KCNG3: variants seen among roughly 807,000 people sequenced by gnomAD.
KCNG3 encodes potassium voltage-gated channel modifier subfamily G member 3.
In KCNG3, 15 loss-of-function variants were observed where a neutral mutation model predicts 29.0. That is an observed-to-expected ratio of 0.52 (90% CI 0.35 to 0.80). The LOEUF (loss-of-function observed/expected upper bound fraction) is 0.80. Among genes scored for constraint, KCNG3 ranks in the 30% least tolerant of loss-of-function variants. The probability of loss-of-function intolerance (pLI) is 0.01; values close to 1 mark genes in which losing one functional copy is unlikely to be tolerated. For missense variants in KCNG3, 512 were observed against 605.7 expected, an observed-to-expected ratio of 0.85 and a Z score of 1.62; for synonymous variants, 322 against 248.9, an observed-to-expected ratio of 1.29 and a Z score of -2.76.
chr2:42,492,391 G>A (rs1673904514), intron 1 of KCNG3, among the ~76,000 whole-genome samples: 1 of 152,212 alleles, frequency 6.6e-6, no homozygotes. Context: ...AATGTGTGGA[G>A]AGTGCACATT....
chr2:42,488,093 G>A (rs1329686312), intron 1 of KCNG3, among the ~76,000 whole-genome samples: 1 of 152,180 alleles, frequency 6.6e-6, no homozygotes, highest in Admixed American at 6.5e-5. Context: ...TACATCTAGG[G>A]AAAAGAACTG....
At chr2:42,408,098 T>C in the KCNG3 span, among the ~76,000 whole-genome samples, 1 of 152,332 alleles carries the variant, frequency 6.6e-6, no homozygotes, top group African/African-American at 2.4e-5. Flanking sequence ...TGGCCCCCTC[T>C]GGACTTTGGG....
chr2:42,456,787 A>T (rs930328062), intron 1 of KCNG3, among the ~76,000 whole-genome samples: 1 of 152,182 alleles, frequency 6.6e-6, no homozygotes, highest in Non-Finnish European at 1.5e-5. Context: ...TTCCAATCAC[A>T]TTTCTAACAG....
At chr2:42,475,955 A>G (rs1673413557) in intron 1 of KCNG3, among the ~76,000 whole-genome samples, 1 of 152,076 alleles carries the variant, frequency 6.6e-6, no homozygotes, top group African/African-American at 2.4e-5. Flanking sequence ...AATCCCAGCT[A>G]CTCGGGAGGC....
Position 42,443,894 on chromosome 2 carries a change from T to C in KCNG3, c.*40A>G, listed in dbSNP as rs1178124937. 7 of 1,542,210 alleles carry C rather than the reference T, an allele frequency of 4.5e-6. No homozygotes were observed. Among genetic ancestry groups the C allele is most frequent in the African/African-American group, 4.1e-5 (3 of 72,834 alleles). On this transcript the variant is annotated 3_prime_UTR_variant, in exon 2 of 2. Coordinates refer to ENST00000306078, the MANE Select transcript of KCNG3 (RefSeq NM_133329.6). ...ACATAAATATGAAGCAGCATCAAAG[T>C]CTTTCTATGAAGTGTATGCAAGAAT...
rs1371157008 is a variant in KCNG3 at position 42,492,897 on chromosome 2, T to G, written c.605A>C (p.Asp202Ala). 4 of 1,562,644 alleles carry G rather than the reference T, an allele frequency of 2.6e-6. No individual in the cohort carries two copies. Among genetic ancestry groups the G allele is most frequent in the East Asian group, 4.7e-5 (2 of 42,166 alleles). Residue 202 changes from aspartate to alanine, a missense_variant, in exon 1 of 2, where the codon GAC becomes GCC. By Grantham distance (126) the Asp-to-Ala change is moderately radical (BLOSUM62 -2). Around this residue, in one of 5 missense-constraint regions of KCNG3, gnomAD observed 228 missense variants for 200.0 expected, o/e 1.14. Coordinates refer to ENST00000306078, the MANE Select transcript of KCNG3 (RefSeq NM_133329.6). Reference protein sequence around the residue: ...TLPDWRNAAADNRSLDDRSRY... With the variant: ...TLPDWRNAAAANRSLDDRSRY... ...GCTCCGGTCATCCAGGCTGCGGTTGTCGGCGGCTGCGTTGCGCCAGTCGGG... is the reference window on the plus strand; with the variant it reads ...GCTCCGGTCATCCAGGCTGCGGTTGGCGGCGGCTGCGTTGCGCCAGTCGGG...
In KCNG3 at chr2:42,443,651, A is replaced by G. The variant is rs1672535269; in HGVS notation, c.*283T>C. 1 of 291,418 alleles carries G rather than the reference A, an allele frequency of 3.4e-6. No homozygotes were observed. Among genetic ancestry groups the G allele is most frequent in the Non-Finnish European group, 6.3e-6 (1 of 158,672 alleles). 18.1% of individuals were successfully genotyped at this position (291,418 alleles called of 1,614,324 possible). A position where few individuals can be genotyped will look rare whatever the true frequency, so the allele number is the denominator to read the frequency against. On this transcript the variant is annotated 3_prime_UTR_variant, in exon 2 of 2. Transcript: ENST00000306078. The stretch of plus-strand genomic sequence containing the variant: ...CTGTTTTAAAATGTTCAAATAATGT[A>G]TTTTTTAAAAATGTGTAATCATTCA...
At chr2:42,462,938 G>C (rs1391766386) in intron 1 of KCNG3, among the ~76,000 whole-genome samples, 3 of 152,052 alleles carry the variant, frequency 2.0e-5, no homozygotes, top group African/African-American at 4.8e-5. Context: ...CAAGTCTACA[G>C]CTAAAAGGAC....
At chr2:42,488,439 AT>A (rs1341922287) in intron 1 of KCNG3, among the ~76,000 whole-genome samples, 1 of 152,228 alleles carries the variant, frequency 6.6e-6, no homozygotes, top group Admixed American at 6.5e-5. Context: ...CAGTTGCTGA[AT>A]CATAGTTCAC....
chr2:42,448,769 C>T lies in KCNG3; in HGVS notation c.666-4190G>A, dbSNP rs531369279. 1.3e-3 allele frequency among the ~76,000 whole-genome samples: 203 copies of T among 152,218 alleles called. 1 individual carries two copies. Among genetic ancestry groups the T allele is most frequent in the African/African-American group, 4.7e-3 (197 of 41,542 alleles). On this transcript the variant is annotated intron_variant, in intron 1 of 1. Transcript: ENST00000306078. The stretch of plus-strand genomic sequence containing the variant: ...CTTTGGGAGGCCGAAGCGGGCGGAT[C>T]ATGAGGTCAAGAGATCGAGACCACA...
intron 1 of KCNG3, among the ~76,000 whole-genome samples, chr2:42,457,392 G>A (rs1175591356): frequency 2.0e-5 from 3 of 151,818 alleles, no homozygotes; most frequent in East Asian, 3.9e-4. Flanking sequence ...AACCTGGGAG[G>A]CTGAGGTAAA....
At chr2:42,421,241 T>G in the KCNG3 span, among the ~76,000 whole-genome samples, 1 of 152,224 alleles carries the variant, frequency 6.6e-6, no homozygotes, top group African/African-American at 2.4e-5. Flanking sequence ...CTGGCCTCTG[T>G]GCTAAGTGTT....
chr2:42,488,750 A>G (rs1558391058), intron 1 of KCNG3, among the ~76,000 whole-genome samples: 1 of 151,538 alleles, frequency 6.6e-6, no homozygotes, highest in Non-Finnish European at 1.5e-5. Context: ...GGGTTTCACC[A>G]TGTTGGTCTG....
the KCNG3 span, among the ~76,000 whole-genome samples, chr2:42,429,368 T>C: frequency 3.3e-5 from 5 of 152,234 alleles, no homozygotes; most frequent in African/African-American, 9.6e-5. Flanking sequence ...CTCACCCTTC[T>C]AGAGACTGCC....
chr2:42,471,614 C>A (rs1263620731), intron 1 of KCNG3, among the ~76,000 whole-genome samples: 3 of 152,044 alleles, frequency 2.0e-5, no homozygotes, highest in African/African-American at 7.2e-5. Flanking sequence ...AAATTGTATA[C>A]TTGAAATGGT....
intron 1 of KCNG3, among the ~76,000 whole-genome samples, chr2:42,457,901 T>C (rs1672920189): frequency 1.3e-5 from 2 of 151,880 alleles, no homozygotes; most frequent in Admixed American, 1.3e-4. Flanking sequence ...GGAAGGAAGA[T>C]CACTTGAGCT....
At chr2:42,486,075 C>T (rs1443310131) in intron 1 of KCNG3, among the ~76,000 whole-genome samples, 2 of 152,186 alleles carry the variant, frequency 1.3e-5, no homozygotes, top group Non-Finnish European at 2.9e-5. Flanking sequence ...TGCTGGAGAT[C>T]CCTCTTCCAG....
At chr2:42,490,758 T>C (rs923153643) in intron 1 of KCNG3, among the ~76,000 whole-genome samples, 1 of 152,224 alleles carries the variant, frequency 6.6e-6, no homozygotes, top group Non-Finnish European at 1.5e-5. Flanking sequence ...GAAAGAAGTT[T>C]TGGCTTTATT....
intron 1 of KCNG3, among the ~76,000 whole-genome samples, chr2:42,446,170 T>C (rs1558373544): frequency 6.6e-6 from 1 of 151,632 alleles, no homozygotes. Flanking sequence ...TAAATTTAAT[T>C]AACATTTTTT....
Sources: gnomAD v4.1 joint callset for allele counts (sites outside exome capture counted in the v4.1 genomes callset) on GRCh38, gnomAD v4.1.1 for gene constraint, gnomAD v4.1.1 regional missense constraint, MANE v1.5 for transcripts, NCBI Gene and HGNC (gene_info 2026-07-23, HGNC 2026-07-21) for gene names.